RBMS3: variants seen among roughly 807,000 people sequenced by gnomAD.
RBMS3 encodes RNA binding motif single stranded interacting protein 3.
A neutral mutation model predicts 66.8 loss-of-function variants in RBMS3; 27 were observed. That is an observed-to-expected ratio of 0.40 (90% CI 0.30 to 0.56). The LOEUF (loss-of-function observed/expected upper bound fraction) is 0.56, where lower values mean the gene tolerates loss of function less well. Among genes scored for constraint, RBMS3 ranks in the 20% least tolerant of loss-of-function variants. RBMS3 has a pLI of 0.40. For synonymous variants in RBMS3, 188 were observed against 183.0 expected (o/e 1.03, Z -0.22); for missense variants, 513 against 549.5 (o/e 0.93, Z 0.66).
At chr3:29,367,408 G>A (rs1288432708) in intron 1 of RBMS3, among the ~76,000 whole-genome samples, 5 of 152,064 alleles carry the variant, frequency 3.3e-5, no homozygotes, top group African/African-American at 1.2e-4. Flanking sequence ...GAGAGACAGA[G>A]ACTGAGGCAA....
intron 6 of RBMS3, among the ~76,000 whole-genome samples, chr3:29,837,480 GT>G (rs1486671965): frequency 6.6e-6 from 1 of 150,974 alleles, no homozygotes; most frequent in African/African-American, 2.4e-5. Context: ...CTTTAGCCCT[GT>G]TTTCTCCTTA....
chr3:29,894,788 G>A (rs2060087503), intron 8 of RBMS3, among the ~76,000 whole-genome samples: 1 of 151,556 alleles, frequency 6.6e-6, no homozygotes, highest in Admixed American at 6.6e-5. Flanking sequence ...GACAGACATG[G>A]CAGTTGCTAA....
intron 1 of RBMS3, among the ~76,000 whole-genome samples, chr3:29,293,172 T>C (rs2032961269): frequency 6.6e-6 from 1 of 151,802 alleles, no homozygotes; most frequent in East Asian, 2.0e-4. Flanking sequence ...GAAAGAGTCA[T>C]TGGAATCAAG....
chr3:29,593,795 CAT>C (rs1473219871), intron 4 of RBMS3, among the ~76,000 whole-genome samples: 1 of 152,186 alleles, frequency 6.6e-6, no homozygotes, highest in Non-Finnish European at 1.5e-5. Context: ...ATGCTACAGA[CAT>C]AGCACTGAGC....
intron 6 of RBMS3, among the ~76,000 whole-genome samples, chr3:29,764,819 C>T (rs970808265): frequency 1.3e-5 from 2 of 151,944 alleles, no homozygotes; most frequent in African/African-American, 4.8e-5. Flanking sequence ...ATGATATTAA[C>T]CTATCTAATA....
rs139944728 is a variant in RBMS3 at position 29,369,688 on chromosome 3, C to G, written c.76-65055C>G. On this transcript the variant is annotated intron_variant, in intron 1 of 14. Transcript: ENST00000383767. ...GACAGGTGGGAAAATGATTCAGAGT[C>G]TAGAGCTAAGGGACAAAAAGAGACA... 2.8e-4 allele frequency among the ~76,000 whole-genome samples: 30 copies of G among 108,342 alleles called. No individual in the cohort carries two copies. The East Asian group carries it at 7.1e-3, about 26-fold the overall frequency. The allele number at this position is 108,342 out of a possible 152,430, so 71.1% of individuals were successfully genotyped here.
intron 1 of RBMS3, among the ~76,000 whole-genome samples, chr3:29,338,855 C>A (rs76097087): frequency 6.6e-6 from 1 of 152,074 alleles, no homozygotes; most frequent in African/African-American, 2.4e-5. Context: ...ACTTCTGATA[C>A]GGTTTAGAAC....
intron 6 of RBMS3, among the ~76,000 whole-genome samples, chr3:29,839,874 T>A (rs968670549): frequency 1.3e-5 from 2 of 151,884 alleles, no homozygotes; most frequent in African/African-American, 4.8e-5. Flanking sequence ...TACAAAAAAA[T>A]TGCCAAAACA....
intron 1 of RBMS3, among the ~76,000 whole-genome samples, chr3:29,405,881 C>T (rs2039998340): frequency 6.6e-6 from 1 of 152,180 alleles, no homozygotes; most frequent in African/African-American, 2.4e-5. Flanking sequence ...AATGTATTTG[C>T]TATCTCTTAA....
chr3:29,654,521 CGT>C (rs56163408), intron 4 of RBMS3, among the ~76,000 whole-genome samples: 20,240 of 118,316 alleles, frequency 0.17, 1,683 homozygotes, highest in East Asian at 0.23. Context: ...GAATTGGATT[CGT>C]GTGTGTGTGT....
intron 1 of RBMS3, among the ~76,000 whole-genome samples, chr3:29,407,590 T>C (rs551574385): frequency 1.3e-5 from 2 of 152,322 alleles, no homozygotes; most frequent in African/African-American, 2.4e-5. Context: ...AATCTTAATA[T>C]AGAAAGCTGT....
intron 12 of RBMS3, among the ~76,000 whole-genome samples, chr3:29,984,271 A>G (rs1460072783): frequency 2.0e-5 from 3 of 151,734 alleles, no homozygotes; most frequent in African/African-American, 2.4e-5. Context: ...CAGGTCATAT[A>G]TGTTCTTTTT....
intron 6 of RBMS3, among the ~76,000 whole-genome samples, chr3:29,831,654 T>C (rs1015438116): frequency 3.3e-5 from 5 of 152,090 alleles, no homozygotes; most frequent in African/African-American, 1.2e-4. Flanking sequence ...TATTTCAAAA[T>C]TCATCAAATA....
At position 30,009,550 on chromosome 3, in the gene RBMS3, A is replaced by G. The variant is rs925439804; in HGVS notation, c.*5688A>G. The G allele has an allele frequency of 2.2e-4, 33 of 152,236 alleles. No homozygotes were observed. Among genetic ancestry groups the G allele is most frequent in the African/African-American group, 7.9e-4 (33 of 41,560 alleles). 9.4% of individuals were successfully genotyped at this position (152,236 alleles called of 1,614,324 possible). On this transcript the variant is annotated 3_prime_UTR_variant, in exon 15 of 15. Transcript: ENST00000383767. ...ATTCAGCTTCCCTCAAAAGAAAGCT[A>G]TTTTTGTTTCCTTCACTCCACTAAA... is the stretch of plus-strand genomic sequence containing the variant.
chr3:29,614,223 A>T (rs975147134), intron 4 of RBMS3, among the ~76,000 whole-genome samples: 1 of 152,162 alleles, frequency 6.6e-6, no homozygotes, highest in African/African-American at 2.4e-5. Context: ...CCAGGCACAG[A>T]AAAACAAATA....
intron 11 of RBMS3, among the ~76,000 whole-genome samples, chr3:29,938,086 G>T (rs1417275721): frequency 6.6e-6 from 1 of 151,846 alleles, no homozygotes; most frequent in Non-Finnish European, 1.5e-5. Context: ...ATTTAAGTTT[G>T]CAAACTAGTA....
At chr3:29,793,464 A>G (rs2057082039) in intron 6 of RBMS3, among the ~76,000 whole-genome samples, 1 of 152,224 alleles carries the variant, frequency 6.6e-6, no homozygotes, top group South Asian at 2.1e-4. Flanking sequence ...AGCATGTCAC[A>G]TTTTCTATTG....
chr3:29,891,205 G>A (rs1243472960), intron 8 of RBMS3, among the ~76,000 whole-genome samples: 3 of 151,548 alleles, frequency 2.0e-5, no homozygotes, highest in Non-Finnish European at 4.4e-5. Flanking sequence ...AAAGGCCCCC[G>A]AAGTTAGCTT....
At position 29,349,949 on chromosome 3, in the gene RBMS3, T is replaced by C. The variant is rs531000889; in HGVS notation, c.75+68193T>C. Among the ~76,000 whole-genome samples, 3 of 152,196 alleles carry C rather than the reference T, an allele frequency of 2.0e-5. No individual in the cohort carries two copies. In the East Asian group the frequency reaches 5.8e-4, roughly 29 times the overall value. ...CCAAGGTGGGCAGATCACCTGAGGT[T>C]GGGAGTTCGAGACCAGCCTGACCAA... On this transcript the variant is annotated intron_variant, in intron 1 of 14. Coordinates refer to ENST00000383767, the MANE Select transcript of RBMS3 (RefSeq NM_001003793.3).
Sources: gnomAD v4.1 joint callset for allele counts (sites outside exome capture counted in the v4.1 genomes callset) on GRCh38, gnomAD v4.1.1 for gene constraint, MANE v1.5 for transcripts, NCBI Gene and HGNC (gene_info 2026-07-23, HGNC 2026-07-21) for gene names.